PDZD9: variants seen among roughly 807,000 people sequenced by gnomAD.
The protein encoded by PDZD9 is PDZ domain containing 9, also known as PDZ domain-containing protein 9.
Under a neutral mutation model 16.3 loss-of-function variants are expected in PDZD9, and 13 were observed. The ratio of observed to expected loss-of-function variants is 0.80; its 90% CI spans 0.52 to 1.27. The LOEUF is 1.27. Ranked by LOEUF, PDZD9 falls within the 50% of genes most tolerant of loss-of-function variation. The pLI is 0.00. For synonymous variants in PDZD9, 120 were observed against 111.0 expected, an observed-to-expected ratio of 1.08 and a Z score of -0.51; for missense variants, 288 against 310.9, an observed-to-expected ratio of 0.93 and a Z score of 0.55.
downstream of PDZD9, among the ~76,000 whole-genome samples, chr16:21,979,331 C>G (rs115071762): frequency 6.6e-6 from 1 of 152,184 alleles, no homozygotes; most frequent in Non-Finnish European, 1.5e-5. Context: ...GGAAAACCAT[C>G]GCAATTTCAG....
At chr16:21,966,611 T>C in the PDZD9 span, among the ~76,000 whole-genome samples, 1 of 152,236 alleles carries the variant, frequency 6.6e-6, no homozygotes, top group Non-Finnish European at 1.5e-5. Flanking sequence ...TCCCTTGCTC[T>C]TTTTGACTTA....
chr16:21,978,881 AG>A (rs1242520932), downstream of PDZD9, among the ~76,000 whole-genome samples: 1 of 152,218 alleles, frequency 6.6e-6, no homozygotes, highest in Non-Finnish European at 1.5e-5. Flanking sequence ...GAAAACAAAC[AG>A]GCCCTAAAAG....
the PDZD9 span, among the ~76,000 whole-genome samples, chr16:21,964,308 G>A: frequency 6.6e-6 from 1 of 152,144 alleles, no homozygotes; most frequent in Non-Finnish European, 1.5e-5. Flanking sequence ...CATCTATTCT[G>A]CCTGAACAGT....
rs1055412441 is a variant in PDZD9, at chr16:22,000,921, A to C, written c.31+96T>G. On this transcript the variant is annotated intron_variant, in intron 1 of 3. Transcript: ENST00000424898. Reference sequence around the variant, plus strand: ...CAACGATGGAGAGAGGTTATCTCCCAGGCCAAGAGTGCACCGTTGCCATTT... The same window carrying C: ...CAACGATGGAGAGAGGTTATCTCCCCGGCCAAGAGTGCACCGTTGCCATTT... The C allele has an allele frequency of 2.3e-6, 3 of 1,277,754 alleles. No homozygotes were observed. The African/African-American group carries it at 4.4e-5, about 19-fold the overall frequency. The allele number at this position is 1,277,754 out of a possible 1,614,324, so 79.2% of individuals were successfully genotyped here.
chr16:21,965,481 G>A, the PDZD9 span: 1 of 1,607,066 alleles, frequency 6.2e-7, no homozygotes, highest in Non-Finnish European at 8.5e-7. Context: ...CTGACTATAG[G>A]ATTGGAAAAG....
At chr16:21,961,738 G>A in the PDZD9 span, among the ~76,000 whole-genome samples, 3 of 143,516 alleles carry the variant, frequency 2.1e-5, no homozygotes, top group South Asian at 2.2e-4. Flanking sequence ...TGTAACCTCC[G>A]CCTCTTGGGT....
chr16:21,997,584 G>A (rs577927054), intron 1 of PDZD9, among the ~76,000 whole-genome samples: 10 of 152,280 alleles, frequency 6.6e-5, no homozygotes, highest in African/African-American at 9.6e-5. Flanking sequence ...CAGTGACAGC[G>A]GAAATGAGCA....
the PDZD9 span, among the ~76,000 whole-genome samples, chr16:21,975,498 C>T: frequency 2.0e-5 from 3 of 152,160 alleles, no homozygotes; most frequent in East Asian, 1.9e-4. Flanking sequence ...AAGTAGCAGA[C>T]CCAGCCAGCA....
At chr16:21,957,554 T>C in the PDZD9 span, 3 of 1,614,030 alleles carry the variant, frequency 1.9e-6, no homozygotes, top group Admixed American at 1.7e-5. Context: ...TGCTGCGTCT[T>C]ACATCCAGTC....
downstream of PDZD9, chr16:21,983,178 T>C (rs1219222894): frequency 3.7e-6 from 6 of 1,612,672 alleles, no homozygotes; most frequent in Admixed American, 3.3e-5. Flanking sequence ...GTAATACTGA[T>C]GCACACATTA....
chr16:21,968,360 A>G, the PDZD9 span: 9 of 263,122 alleles, frequency 3.4e-5, no homozygotes, highest in African/African-American at 1.8e-4. Context: ...CATACTATAC[A>G]ACCTATTTAA....
chr16:21,980,736 GAACTT>G, downstream of PDZD9: 1 of 1,607,660 alleles, frequency 6.2e-7, no homozygotes, highest in Non-Finnish European at 8.5e-7. Context: ...TAACAACAGA[GAACTT>G]AACCTTAATG....
At chr16:21,997,356 G>A (rs1166283329) in intron 1 of PDZD9, among the ~76,000 whole-genome samples, 1 of 152,180 alleles carries the variant, frequency 6.6e-6, no homozygotes, top group Non-Finnish European at 1.5e-5. Context: ...GAAATATTTA[G>A]GCAAAGAAAG....
downstream of PDZD9, chr16:21,983,599 CCT>C (rs1555516735): frequency 1.2e-4 from 25 of 200,812 alleles, no homozygotes; most frequent in African/African-American, 1.8e-4. Flanking sequence ...GGTTTTTACC[CCT>C]GTTTTGCCTT....
At chr16:21,987,287 G>T (rs1394136413) in intron 3 of PDZD9, among the ~76,000 whole-genome samples, 1 of 152,150 alleles carries the variant, frequency 6.6e-6, no homozygotes. Context: ...GGGTGTGTTG[G>T]CATGCGCCTG....
chr16:21,988,637 A>G lies in PDZD9; in HGVS notation c.366T>C (p.Tyr122=), dbSNP rs1234005625. 1.2e-6 allele frequency: 2 copies of G among 1,613,028 alleles called. No individual in the cohort carries two copies. Among genetic ancestry groups the G allele is most frequent in the South Asian group, 1.1e-5 (1 of 90,982 alleles). ...INIPEEWQEI[Y]DLIPEAKFPV... ...GGAATTTGGCCTCAGGGATTAAATC[A>G]TATATTTCTTGCCATTCTTCAGGAA... is the stretch of plus-strand genomic sequence containing the variant. The change falls in exon 3 of 4, where the codon TAT becomes TAC. Residue 122 remains tyrosine (Y), a synonymous_variant. Coordinates refer to ENST00000424898, the MANE Select transcript of PDZD9 (RefSeq NM_001363519.1).
the PDZD9 span, chr16:21,976,200 A>T: frequency 6.2e-7 from 1 of 1,614,092 alleles, no homozygotes; most frequent in Non-Finnish European, 8.5e-7. Context: ...AGTAAAAACA[A>T]TAGCTCAAGG....
the PDZD9 span, among the ~76,000 whole-genome samples, chr16:21,966,163 T>A: frequency 1.8e-4 from 26 of 146,276 alleles, no homozygotes; most frequent in Non-Finnish European, 3.4e-4. Flanking sequence ...AAAAAAAATA[T>A]ATATATATGT....
intron 3 of PDZD9, among the ~76,000 whole-genome samples, chr16:21,985,546 C>T (rs531011152): frequency 6.6e-6 from 1 of 152,244 alleles, no homozygotes; most frequent in African/African-American, 2.4e-5. Flanking sequence ...GGTCTCTGAA[C>T]TTTCCTAATG....
Sources: gnomAD v4.1 joint callset for allele counts (sites outside exome capture counted in the v4.1 genomes callset) on GRCh38, gnomAD v4.1.1 for gene constraint, MANE v1.5 for transcripts, NCBI Gene and HGNC (gene_info 2026-07-23, HGNC 2026-07-21) for gene names.